ASIC2: variants seen among roughly 807,000 people sequenced by gnomAD.
ASIC2 encodes acid-sensing ion channel 2.
Under a neutral mutation model 57.3 loss-of-function variants are expected in ASIC2, and 25 were observed. That is an observed-to-expected ratio of 0.44 (90% CI 0.32 to 0.61). ASIC2 has a LOEUF of 0.61. Ranked by LOEUF, ASIC2 falls within the 20% of genes least tolerant of loss-of-function variation. ASIC2 has a pLI of 0.06. For synonymous variants in ASIC2, 319 were observed against 307.5 expected (o/e 1.04, Z -0.39); for missense variants, 641 against 738.1 (o/e 0.87, Z 1.52).
chr17:33,333,542 C>T (rs1907397712), intron 1 of ASIC2, among the ~76,000 whole-genome samples: 1 of 152,176 alleles, frequency 6.6e-6, no homozygotes, highest in African/African-American at 2.4e-5. Context: ...CAAGAGAATA[C>T]ACCAAGGAGT....
chr17:33,875,959 G>T (rs1363797023), intron 1 of ASIC2, among the ~76,000 whole-genome samples: 1 of 152,056 alleles, frequency 6.6e-6, no homozygotes, highest in Non-Finnish European at 1.5e-5. Context: ...ATTAGAAAAA[G>T]ATTCTCAATT....
At chr17:33,545,524 C>T (rs535582022) in intron 1 of ASIC2, among the ~76,000 whole-genome samples, 1 of 152,284 alleles carries the variant, frequency 6.6e-6, no homozygotes, top group South Asian at 2.1e-4. Context: ...CCATAATAGA[C>T]AAGAGAAACA....
intron 1 of ASIC2, chr17:33,828,270 C>A (rs1160511503): frequency 6.6e-6 from 1 of 152,314 alleles, no homozygotes; most frequent in Non-Finnish European, 1.5e-5. Context: ...TCACCTATCC[C>A]TTCATTTACA....
chr17:33,170,571 T>G (rs1405501362), intron 1 of ASIC2, among the ~76,000 whole-genome samples: 1 of 152,150 alleles, frequency 6.6e-6, no homozygotes, highest in Non-Finnish European at 1.5e-5. Context: ...TCATGTAGGC[T>G]TCACTGAGAC....
intron 1 of ASIC2, among the ~76,000 whole-genome samples, chr17:33,526,152 C>A (rs1914879361): frequency 6.6e-6 from 1 of 152,186 alleles, no homozygotes; most frequent in African/African-American, 2.4e-5. Context: ...AGGGACTTCA[C>A]ATATCCAGCA....
intron 3 of ASIC2, among the ~76,000 whole-genome samples, chr17:33,061,334 G>C (rs1420481125): frequency 2.6e-5 from 4 of 151,890 alleles, no homozygotes; most frequent in Non-Finnish European, 4.4e-5. Context: ...TAGATATGTT[G>C]CATCAATACC....
At chr17:33,023,786 T>C in intron 6 of ASIC2, 75 bp downstream of exon 6, 1 of 1,579,958 alleles carries the variant, frequency 6.3e-7, no homozygotes, top group Non-Finnish European at 8.7e-7. Flanking sequence ...ATCTTTGCTT[T>C]CCTCCTTGAT....
chr17:33,876,125 C>G (rs1015479678), intron 1 of ASIC2, among the ~76,000 whole-genome samples: 3 of 152,194 alleles, frequency 2.0e-5, no homozygotes, highest in Non-Finnish European at 4.4e-5. Flanking sequence ...CTTACTGGCT[C>G]TGTTATCTTT....
chr17:33,828,357 C>T (rs8076223), intron 1 of ASIC2: 123,252 of 151,894 alleles, frequency 0.81, 50,360 homozygotes, highest in African/African-American at 0.85. Context: ...GGCCATGTGA[C>T]ATCATTGGTG....
rs527978336 is a variant in ASIC2, at chr17:33,833,362, C to T, written c.555+322616G>A. ...TTACCTTACTAATTTAAAAAAACCCCAGAGAACCAAAGAAGAAGAGGAAAA... is the reference window on the plus strand; with the variant it reads ...TTACCTTACTAATTTAAAAAAACCCTAGAGAACCAAAGAAGAAGAGGAAAA... On this transcript the variant is annotated intron_variant, in intron 1 of 9. Transcript: ENST00000359872. 5.9e-5 allele frequency among the ~76,000 whole-genome samples: 9 copies of T among 152,088 alleles called. 1 individual carries two copies. In the Middle Eastern group the frequency reaches 0.01, roughly 172 times the overall value.
At chr17:33,977,087 G>C (rs1225257620) in intron 1 of ASIC2, among the ~76,000 whole-genome samples, 1 of 152,084 alleles carries the variant, frequency 6.6e-6, no homozygotes, top group Non-Finnish European at 1.5e-5. Flanking sequence ...TGGCCCTGCT[G>C]TCTTTATCCC....
intron 1 of ASIC2, among the ~76,000 whole-genome samples, chr17:33,457,481 C>G (rs938986524): frequency 6.6e-6 from 1 of 152,094 alleles, no homozygotes; most frequent in Non-Finnish European, 1.5e-5. Context: ...TAATAAATTG[C>G]CAATTGAACA....
chr17:33,916,402 G>A (rs893741109), intron 1 of ASIC2, among the ~76,000 whole-genome samples: 2 of 152,146 alleles, frequency 1.3e-5, no homozygotes, highest in Non-Finnish European at 2.9e-5. Flanking sequence ...CAGAGAGGTG[G>A]AGCTGAGAAC....
At position 33,015,970 on chromosome 17, in the gene ASIC2, C is replaced by T; in HGVS notation, c.1590+1G>A. Reference sequence around the variant, plus strand: ...ACTTCCAATCAGTGAGCTGCTCTTACCACATTCTCATCGTGGCTCCCTTCG... The same window carrying T: ...ACTTCCAATCAGTGAGCTGCTCTTATCACATTCTCATCGTGGCTCCCTTCG... On this transcript the variant is annotated splice_donor_variant, in intron 9 of 9. Coordinates refer to ENST00000225823, the MANE Select transcript of ASIC2 (RefSeq NM_183377.2). LOFTEE classifies it high-confidence loss of function. 6.2e-7 allele frequency: 1 copy of T among 1,614,086 alleles called. No individual in the cohort carries two copies. Among genetic ancestry groups the T allele is most frequent in the Non-Finnish European group, 8.5e-7 (1 of 1,179,948 alleles).
intron 1 of ASIC2, among the ~76,000 whole-genome samples, chr17:33,198,306 T>G (rs1906719196): frequency 6.6e-6 from 1 of 152,214 alleles, no homozygotes; most frequent in Non-Finnish European, 1.5e-5. Flanking sequence ...GAGCCATGTT[T>G]GCACCACTGC....
chr17:34,084,541 A>G (rs567464252), intron 1 of ASIC2, among the ~76,000 whole-genome samples: 218 of 152,316 alleles, frequency 1.4e-3, no homozygotes, highest in African/African-American at 5.0e-3. Context: ...TTTTGGTTCC[A>G]TATGAACTTT....
chr17:33,313,435 T>G (rs1906516131), intron 1 of ASIC2, among the ~76,000 whole-genome samples: 1 of 152,206 alleles, frequency 6.6e-6, no homozygotes, highest in Non-Finnish European at 1.5e-5. Flanking sequence ...GTTTAAGAGT[T>G]ATTCTTTTCT....
chr17:33,888,285 A>G (rs892349700), intron 1 of ASIC2, among the ~76,000 whole-genome samples: 16 of 152,278 alleles, frequency 1.1e-4, no homozygotes, highest in African/African-American at 3.6e-4. Flanking sequence ...TGTAAAAGAC[A>G]GGTAGGGTGC....
intron 1 of ASIC2, among the ~76,000 whole-genome samples, chr17:33,906,702 A>G (rs917091209): frequency 6.6e-6 from 1 of 152,202 alleles, no homozygotes; most frequent in Non-Finnish European, 1.5e-5. Context: ...TTGGAATGCA[A>G]GTATCTTATA....
Sources: gnomAD v4.1 joint callset for allele counts (sites outside exome capture counted in the v4.1 genomes callset) on GRCh38, gnomAD v4.1.1 for gene constraint, MANE v1.5 for transcripts, NCBI Gene and HGNC (gene_info 2026-07-23, HGNC 2026-07-21) for gene names.